The following MROH2B variants were observed in gnomAD, a reference collection of about 807,000 sequenced individuals.
The protein encoded by MROH2B is maestro heat like repeat family member 2B.
In MROH2B, 177 loss-of-function variants were observed where a neutral mutation model predicts 208.6. That is an observed-to-expected ratio of 0.85 (90% CI 0.75 to 0.96). MROH2B has a LOEUF of 0.96. Among genes scored for constraint, MROH2B ranks in the 40% least tolerant of loss-of-function variants. The pLI is 0.00. For synonymous variants in MROH2B, 728 were observed against 659.0 expected (o/e 1.10, Z -1.60); for missense variants, 2,002 against 1,878.7 (o/e 1.07, Z -1.21).
intron 13 of MROH2B, 54 bp downstream of exon 13, chr5:41,050,923 G>T: frequency 1.8e-6 from 2 of 1,129,354 alleles, no homozygotes; most frequent in Admixed American, 2.7e-5. Flanking sequence ...TACACAGGCT[G>T]GGCTTTAAGA....
At chr5:41,012,488 G>T in intron 30 of MROH2B, 95 bp downstream of exon 30, 1 of 1,338,856 alleles carries the variant, frequency 7.5e-7, no homozygotes, top group Non-Finnish European at 1.0e-6. Context: ...GCCTTTGCAT[G>T]CTGCCCATCA....
At chr5:41,018,237 C>G (rs2111869288) in intron 27 of MROH2B, 104 bp downstream of exon 27, 2 of 1,203,612 alleles carry the variant, frequency 1.7e-6, no homozygotes, top group East Asian at 2.5e-5. Context: ...GCACTTCACT[C>G]TGAGATGCAC....
At chr5:41,028,186 T>C (rs1021274204) in intron 24 of MROH2B, among the ~76,000 whole-genome samples, 2 of 151,906 alleles carry the variant, frequency 1.3e-5, no homozygotes, top group South Asian at 2.1e-4. Context: ...TTAAAGTATA[T>C]ATAAAAAAAG....
At chr5:41,002,656 G>A (rs16870603) in intron 37 of MROH2B, among the ~76,000 whole-genome samples, 23,599 of 152,098 alleles carry the variant, frequency 0.16, 2,118 homozygotes, top group East Asian at 0.26. Flanking sequence ...TTATGCAAAC[G>A]TGATGGAGTT....
At chr5:41,069,193 T>C (rs1579965799) in intron 2 of MROH2B, among the ~76,000 whole-genome samples, 1 of 152,206 alleles carries the variant, frequency 6.6e-6, no homozygotes, top group Admixed American at 6.5e-5. Context: ...CAATACACTG[T>C]TGTTTGGAAA....
intron 29 of MROH2B, among the ~76,000 whole-genome samples, chr5:41,013,988 T>C (rs375353831): frequency 6.6e-6 from 1 of 152,206 alleles, no homozygotes; most frequent in African/African-American, 2.4e-5. Flanking sequence ...AGTCTCCACA[T>C]AGCTGCCAGA....
rs781540317 is a variant in MROH2B at position 41,057,359 on chromosome 5, C to T, written c.758G>A (p.Ser253Asn). 19 of 1,568,464 alleles carry T rather than the reference C, an allele frequency of 1.2e-5. No homozygotes were observed. In the South Asian group the frequency reaches 2.0e-4, roughly 16 times the overall value. Residue 253 changes from serine to asparagine, a missense_variant and splice_region_variant, in exon 8 of 42, where the codon AGC becomes AAC. Physicochemically the swap from Ser to Asn is conservative, Grantham distance 46. Transcript: ENST00000399564. ...DKEIDFHVTQ[S>N]LKQILTAAVL... ...TGCTGCAGTCAGTATTTGTTTTAGGCTCTAAAGTGGAAACTCCCACAGGTT... is the reference window on the plus strand; with the variant it reads ...TGCTGCAGTCAGTATTTGTTTTAGGTTCTAAAGTGGAAACTCCCACAGGTT...
intron 15 of MROH2B, 48 bp downstream of exon 15, chr5:41,049,053 C>T (rs10060627): frequency 0.028 from 42,943 of 1,542,496 alleles, 674 homozygotes; most frequent in Non-Finnish European, 0.029. Context: ...CTGAACTATC[C>T]TTATCAGCTT....
intron 19 of MROH2B, 37 bp from the exon 20 acceptor site, chr5:41,039,592 C>T (rs757507077): frequency 1.4e-5 from 20 of 1,394,078 alleles, no homozygotes; most frequent in Non-Finnish European, 2.0e-5. Context: ...TGAGTTTAAC[C>T]ATTTATTTAT....
chr5:41,047,897 A>G, intron 16 of MROH2B, 133 bp from the exon 17 acceptor site: 2 of 751,224 alleles, frequency 2.7e-6, no homozygotes. Flanking sequence ...CTTATTTGAG[A>G]TCAAATTTAC....
chr5:41,023,846 T>A (rs555425003), intron 24 of MROH2B, among the ~76,000 whole-genome samples: 1 of 152,236 alleles, frequency 6.6e-6, no homozygotes, highest in East Asian at 1.9e-4. Context: ...CCACAGAAAC[T>A]CTACAAGCCA....
At chr5:41,002,961 CT>C (rs200774331) in intron 37 of MROH2B, among the ~76,000 whole-genome samples, 49,732 of 136,220 alleles carry the variant, frequency 0.37, 8,116 homozygotes, top group Non-Finnish European at 0.4. Flanking sequence ...TTAAAAATTG[CT>C]TTTTTTTTTT....
At chr5:41,048,131 T>G (rs1407644386) in intron 16 of MROH2B, 193 bp downstream of exon 16, 1 of 594,746 alleles carries the variant, frequency 1.7e-6, no homozygotes, top group Admixed American at 3.8e-5. Flanking sequence ...TACTAGGTCT[T>G]CTTGTAGTAT....
chr5:41,036,849 G>T (rs1390365155), intron 21 of MROH2B, among the ~76,000 whole-genome samples: 1 of 152,148 alleles, frequency 6.6e-6, no homozygotes, highest in Non-Finnish European at 1.5e-5. Context: ...AATCTGTCCA[G>T]GAGGGGCTTC....
chr5:41,058,009 C>T (rs969710645), intron 7 of MROH2B, 54 bp downstream of exon 7: 1 of 1,417,136 alleles, frequency 7.1e-7, no homozygotes, highest in Non-Finnish European at 9.3e-7. Context: ...AAAAGCCTCC[C>T]GGAGGGTTGC....
Position 41,015,417 on chromosome 5 carries a change from C to T in MROH2B, c.2946G>A (p.Val982=). 6.2e-7 allele frequency: 1 copy of T among 1,613,622 alleles called. No homozygotes were observed. Among genetic ancestry groups the T allele is most frequent in the Non-Finnish European group, 8.5e-7 (1 of 1,179,668 alleles). ...TAGAAGAAATCTTGATCTGAACCTG[C>T]ACGTCATCACTTTCCAGCCCTTCCT... ...GLQEGLESDD[V]QVQIKISSKI... The change falls in exon 29 of 42, where the codon GTG becomes GTA. Residue 982 remains valine, a synonymous_variant. Transcript: ENST00000399564.
chr5:41,047,810 C>T (rs1561299348), intron 16 of MROH2B, 46 bp from the exon 17 acceptor site: 5 of 1,516,916 alleles, frequency 3.3e-6, no homozygotes, highest in East Asian at 2.4e-5. Context: ...ACAAAACCAC[C>T]CCAAGACTCA....
intron 3 of MROH2B, among the ~76,000 whole-genome samples, chr5:41,066,314 T>A (rs1743813457): frequency 6.6e-6 from 1 of 152,132 alleles, no homozygotes; most frequent in African/African-American, 2.4e-5. Flanking sequence ...ATATTAAAAA[T>A]ATATACTCAT....
At chr5:41,005,417 C>CT (rs949628329) in intron 35 of MROH2B, 114 bp downstream of exon 35, 4 of 194,460 alleles carry the variant, frequency 2.1e-5, no homozygotes, top group African/African-American at 1.5e-4. Context: ...TATGAAACCC[C>CT]CCCCCCCCTT....
Sources: gnomAD v4.1 joint callset for allele counts (sites outside exome capture counted in the v4.1 genomes callset) on GRCh38, gnomAD v4.1.1 for gene constraint, MANE v1.5 for transcripts, NCBI Gene and HGNC (gene_info 2026-07-23, HGNC 2026-07-21) for gene names.